Variants in GALNT17 observed in about 807,000 individuals in gnomAD.
GALNT17 encodes the protein UDP-GalNAc:polypeptide N-acetylgalactosaminyltransferase-like 3.
GALNT17 carries 29 observed loss-of-function variants against 63.7 expected under a neutral mutation model. That is an observed-to-expected ratio of 0.46 (90% CI 0.34 to 0.62). GALNT17 has a LOEUF of 0.62. Ranked by LOEUF, GALNT17 falls within the 20% of genes least tolerant of loss-of-function variation. The pLI is 0.01. For missense variants in GALNT17, 603 were observed against 799.6 expected, an observed-to-expected ratio of 0.75 and a Z score of 2.97; for synonymous variants, 305 against 318.3, an observed-to-expected ratio of 0.96 and a Z score of 0.45.
intron 9 of GALNT17, among the ~76,000 whole-genome samples, chr7:71,685,170 C>T (rs2117083601): frequency 6.6e-6 from 1 of 152,160 alleles, no homozygotes; most frequent in South Asian, 2.1e-4. Flanking sequence ...TCATAGGAAG[C>T]AGAGAGGAAT....
At chr7:71,210,254 C>A (rs138470260) in intron 1 of GALNT17, among the ~76,000 whole-genome samples, 1 of 152,140 alleles carries the variant, frequency 6.6e-6, no homozygotes, top group Non-Finnish European at 1.5e-5. Context: ...AATTATCTCC[C>A]CCTGGGTCCG....
At chr7:71,471,409 A>AAC (rs1787628916) in intron 5 of GALNT17, among the ~76,000 whole-genome samples, 5 of 148,822 alleles carry the variant, frequency 3.4e-5, no homozygotes, top group African/African-American at 1.3e-4. Flanking sequence ...CAAAAAAAAA[A>AAC]AAAAACAAAA....
Position 71,443,584 on chromosome 7 carries a change from C to A in GALNT17, c.962+22479C>A, listed in dbSNP as rs149953736. Among the ~76,000 whole-genome samples, 489 of 152,276 alleles carry A rather than the reference C, an allele frequency of 3.2e-3. 4 individuals are homozygous for A. Among genetic ancestry groups the A allele is most frequent in the African/African-American group, 0.011 (464 of 41,560 alleles). ...CTTATTTCTCCACGTGATGCCTGCC[C>A]CATCCTCCACCTTCTGCCATGAGTG... On this transcript the variant is annotated intron_variant, in intron 5 of 10. Transcript: ENST00000333538.
At chr7:71,674,348 T>TAA (rs67385519) in intron 8 of GALNT17, among the ~76,000 whole-genome samples, 8 of 146,090 alleles carry the variant, frequency 5.5e-5, no homozygotes, top group African/African-American at 1.7e-4. Flanking sequence ...CTCTTCCTTT[T>TAA]TAAAAAAAAA....
chr7:71,584,825 A>G (rs956927999), intron 6 of GALNT17, among the ~76,000 whole-genome samples: 3 of 151,930 alleles, frequency 2.0e-5, no homozygotes, highest in African/African-American at 7.3e-5. Flanking sequence ...CGCGATCTCC[A>G]CTCACTGCAA....
intron 1 of GALNT17, among the ~76,000 whole-genome samples, chr7:71,189,867 A>G (rs978433622): frequency 2.0e-5 from 3 of 150,164 alleles, no homozygotes; most frequent in Non-Finnish European, 3.0e-5. Flanking sequence ...CTGGAGTGCA[A>G]TGGCGTGATC....
intron 1 of GALNT17, among the ~76,000 whole-genome samples, chr7:71,259,476 C>T (rs995988742): frequency 9.2e-5 from 14 of 152,052 alleles, no homozygotes; most frequent in African/African-American, 1.9e-4. Flanking sequence ...TAGGGTTTTA[C>T]GGGCACTTGG....
intron 5 of GALNT17, among the ~76,000 whole-genome samples, chr7:71,500,921 A>C (rs545445540): frequency 6.6e-6 from 1 of 152,068 alleles, no homozygotes; most frequent in Non-Finnish European, 1.5e-5. Context: ...AGGGCTCATC[A>C]TTTCAATCAT....
chr7:71,415,227 C>G (rs77283794), intron 3 of GALNT17, among the ~76,000 whole-genome samples: 1 of 152,058 alleles, frequency 6.6e-6, no homozygotes, highest in African/African-American at 2.4e-5. Flanking sequence ...TCAGCTCTCC[C>G]GTTAGCCCAT....
intron 6 of GALNT17, among the ~76,000 whole-genome samples, chr7:71,619,773 C>T (rs940384572): frequency 6.6e-6 from 1 of 151,970 alleles, no homozygotes; most frequent in Admixed American, 6.6e-5. Flanking sequence ...CTGTTGGATG[C>T]CTTTTCTTTT....
intron 6 of GALNT17, among the ~76,000 whole-genome samples, chr7:71,635,258 G>C (rs1790512910): frequency 1.3e-5 from 2 of 151,406 alleles, no homozygotes; most frequent in South Asian, 4.2e-4. Flanking sequence ...CGATTATGGA[G>C]ACCGAAGTTC....
intron 1 of GALNT17, among the ~76,000 whole-genome samples, chr7:71,155,682 T>A (rs1192856391): frequency 1.3e-5 from 2 of 151,876 alleles, no homozygotes; most frequent in Non-Finnish European, 2.9e-5. Context: ...GACTACTGAT[T>A]TTCTACTTTT....
At chr7:71,260,510 T>C (rs1790366611) in intron 1 of GALNT17, among the ~76,000 whole-genome samples, 2 of 152,206 alleles carry the variant, frequency 1.3e-5, no homozygotes, top group South Asian at 4.1e-4. Flanking sequence ...CTCATTCTCC[T>C]AGAAATATTC....
intron 5 of GALNT17, among the ~76,000 whole-genome samples, chr7:71,475,038 G>A (rs1434308126): frequency 6.6e-6 from 1 of 152,010 alleles, no homozygotes; most frequent in Non-Finnish European, 1.5e-5. Context: ...CCTCTCCCCT[G>A]GAGCATTCAG....
At chr7:71,585,937 G>C (rs1789711356) in intron 6 of GALNT17, among the ~76,000 whole-genome samples, 1 of 140,026 alleles carries the variant, frequency 7.1e-6, no homozygotes. Context: ...TTGAGAAGGA[G>C]TCTTGCTCTG....
intron 5 of GALNT17, among the ~76,000 whole-genome samples, chr7:71,489,518 T>G (rs887178086): frequency 3.3e-5 from 5 of 152,226 alleles, no homozygotes; most frequent in Non-Finnish European, 7.3e-5. Context: ...AGGATTGTTG[T>G]AAGGATTGGA....
intron 1 of GALNT17, among the ~76,000 whole-genome samples, chr7:71,326,497 T>G (rs1282925735): frequency 6.6e-6 from 1 of 152,174 alleles, no homozygotes; most frequent in Non-Finnish European, 1.5e-5. Flanking sequence ...AGAGAGGATC[T>G]CCTAACAATC....
intron 5 of GALNT17, among the ~76,000 whole-genome samples, chr7:71,498,230 C>T (rs1788126763): frequency 6.6e-6 from 1 of 152,088 alleles, no homozygotes; most frequent in Admixed American, 6.6e-5. Context: ...AATCCCAGCA[C>T]TTTGGTAGGC....
intron 2 of GALNT17, among the ~76,000 whole-genome samples, chr7:71,340,154 G>A (rs562259626): frequency 6.6e-6 from 1 of 152,322 alleles, no homozygotes; most frequent in East Asian, 1.9e-4. Context: ...CTGATGGCCG[G>A]GGGAGGGGAG....
Sources: allele counts gnomAD v4.1 joint callset (sites outside exome capture counted in the v4.1 genomes callset), GRCh38; gene constraint gnomAD v4.1.1; transcripts MANE v1.5; gene names NCBI Gene and HGNC (gene_info 2026-07-23, HGNC 2026-07-21).